SPIN1: variants seen among roughly 807,000 people sequenced by gnomAD.
The protein encoded by SPIN1 is spindlin 1, also known as spindlin-1.
Under a neutral mutation model 26.0 loss-of-function variants are expected in SPIN1, and 3 were observed. The observed-to-expected ratio is 0.12, with a 90% CI of 0.05 to 0.30. SPIN1 has a LOEUF of 0.30. Ranked by LOEUF, SPIN1 falls within the 10% of genes least tolerant of loss-of-function variation. SPIN1 has a pLI of 1.00. For synonymous variants in SPIN1, 101 were observed against 116.5 expected, an observed-to-expected ratio of 0.87 and a Z score of 0.86; for missense variants, 126 against 333.4, an observed-to-expected ratio of 0.38 and a Z score of 4.84.
chr9:88,459,300 A>G (rs142338332), intron 3 of SPIN1, among the ~76,000 whole-genome samples: 5 of 152,326 alleles, frequency 3.3e-5, no homozygotes, highest in African/African-American at 1.2e-4. Context: ...TTGTATTCTA[A>G]AGTGGAAATG....
chr9:88,419,852 A>G (rs1403754964), intron 1 of SPIN1, among the ~76,000 whole-genome samples: 2 of 152,214 alleles, frequency 1.3e-5, no homozygotes, highest in African/African-American at 4.8e-5. Flanking sequence ...GTTCCAGACT[A>G]CCAAACTGAG....
chr9:88,398,768 T>C (rs754459934), intron 1 of SPIN1, among the ~76,000 whole-genome samples: 4 of 151,850 alleles, frequency 2.6e-5, no homozygotes, highest in Non-Finnish European at 5.9e-5. Context: ...AGAAACGGGT[T>C]TCTCCATGTT....
intron 4 of SPIN1, among the ~76,000 whole-genome samples, chr9:88,467,964 G>A (rs952347038): frequency 6.6e-6 from 1 of 151,982 alleles, no homozygotes; most frequent in African/African-American, 2.4e-5. Flanking sequence ...ACCGTATACA[G>A]GAACTCTACT....
At chr9:88,411,151 C>T (rs747085161) in intron 1 of SPIN1, 15 of 1,486,158 alleles carry the variant, frequency 1.0e-5, no homozygotes, top group Admixed American at 1.7e-5. Flanking sequence ...ATATCTTTTT[C>T]ACAGTTAAGT....
chr9:88,462,332 G>A (rs1828591689), intron 3 of SPIN1, among the ~76,000 whole-genome samples, 164 bp from the exon 4 acceptor site: 1 of 152,186 alleles, frequency 6.6e-6, no homozygotes, highest in Admixed American at 6.5e-5. Flanking sequence ...TACAGGGGTA[G>A]AGGACAACCA....
chr9:88,463,625 C>T (rs1375218489), intron 4 of SPIN1, among the ~76,000 whole-genome samples: 1 of 152,092 alleles, frequency 6.6e-6, no homozygotes, highest in Admixed American at 6.5e-5. Context: ...AACGAGTTTC[C>T]TTAGGAAGTT....
intron 1 of SPIN1, among the ~76,000 whole-genome samples, chr9:88,420,681 GT>G (rs548745429): frequency 4.9e-4 from 75 of 152,314 alleles, no homozygotes; most frequent in African/African-American, 1.3e-3. Context: ...AAAGAAGGAA[GT>G]TAATCTACAA....
At chr9:88,412,015 C>CAA (rs538756833) in intron 1 of SPIN1, among the ~76,000 whole-genome samples, 296 of 114,068 alleles carry the variant, frequency 2.6e-3, no homozygotes, top group African/African-American at 8.7e-3. Context: ...ACTAAAAATA[C>CAA]AAAAAAAAAA....
intron 1 of SPIN1, among the ~76,000 whole-genome samples, chr9:88,407,403 C>T (rs959100977): frequency 6.6e-6 from 1 of 151,914 alleles, no homozygotes; most frequent in Non-Finnish European, 1.5e-5. Flanking sequence ...CTTGGCCTCC[C>T]AAAGTCCTGG....
At chr9:88,422,899 C>T (rs11142291) in intron 1 of SPIN1, among the ~76,000 whole-genome samples, 28,744 of 151,728 alleles carry the variant, frequency 0.19, 3,639 homozygotes, top group African/African-American at 0.36. Context: ...TAGAGGAGAC[C>T]GAGTTTCACT....
At chr9:88,473,661 GCAC>G (rs1828835130) in intron 5 of SPIN1, among the ~76,000 whole-genome samples, 1 of 151,776 alleles carries the variant, frequency 6.6e-6, no homozygotes, top group African/African-American at 2.4e-5. Flanking sequence ...GTGTGTGTGT[GCAC>G]GCGCTATGGA....
intron 1 of SPIN1, among the ~76,000 whole-genome samples, chr9:88,412,256 C>T (rs1827466715): frequency 1.3e-5 from 2 of 152,232 alleles, no homozygotes; most frequent in East Asian, 1.9e-4. Context: ...TCTGATATGA[C>T]AAGATATTCC....
At chr9:88,396,277 C>T (rs538187441) in intron 1 of SPIN1, among the ~76,000 whole-genome samples, 1 of 151,312 alleles carries the variant, frequency 6.6e-6, no homozygotes, top group East Asian at 2.0e-4. Context: ...GCAGATCTGA[C>T]CATGTCAGCT....
chr9:88,405,618 A>T (rs1827285298), intron 1 of SPIN1, among the ~76,000 whole-genome samples: 1 of 133,844 alleles, frequency 7.5e-6, no homozygotes, highest in Non-Finnish European at 1.5e-5. Context: ...ACCTCATCTC[A>T]CTGCAGCCTC....
chr9:88,436,293 C>T (rs1827996877), intron 2 of SPIN1, among the ~76,000 whole-genome samples: 1 of 152,210 alleles, frequency 6.6e-6, no homozygotes, highest in Non-Finnish European at 1.5e-5. Flanking sequence ...TTAAACTTTA[C>T]AATCTTTCTA....
rs145215189 is a variant in SPIN1 at position 88,467,125 on chromosome 9, G to T, written c.356-1247G>T. 7.2e-5 allele frequency among the ~76,000 whole-genome samples: 11 copies of T among 152,232 alleles called. No individual in the cohort carries two copies. The East Asian group carries it at 2.1e-3, about 29-fold the overall frequency. ...CAGTTATCTAAAATTGTGGACTGGA[G>T]AAGTCTTAAAACCAATGGGATCCTT... On this transcript the variant is annotated intron_variant, in intron 4 of 5. Transcript: ENST00000375859.
At chr9:88,402,855 T>G (rs1203221297) in intron 1 of SPIN1, among the ~76,000 whole-genome samples, 1 of 152,206 alleles carries the variant, frequency 6.6e-6, no homozygotes, top group African/African-American at 2.4e-5. Flanking sequence ...TATGTAGTAG[T>G]TCTATTTTTA....
chr9:88,412,502 G>C (rs973961893), intron 1 of SPIN1, among the ~76,000 whole-genome samples: 2 of 152,118 alleles, frequency 1.3e-5, no homozygotes, highest in Non-Finnish European at 2.9e-5. Context: ...GTTGTCCATA[G>C]GTTTGGGCAG....
chr9:88,456,460 A>G (rs750531764), intron 3 of SPIN1, among the ~76,000 whole-genome samples: 2 of 152,216 alleles, frequency 1.3e-5, no homozygotes, highest in Non-Finnish European at 2.9e-5. Context: ...GGGCTGGACA[A>G]TAGAATGGCT....
Sources: allele counts gnomAD v4.1 joint callset (sites outside exome capture counted in the v4.1 genomes callset), GRCh38; gene constraint gnomAD v4.1.1; transcripts MANE v1.5; gene names NCBI Gene and HGNC (gene_info 2026-07-23, HGNC 2026-07-21).